Variants in RSBN1 observed in about 807,000 individuals in gnomAD.
RSBN1 encodes the protein lysine-specific demethylase 9.
RSBN1 carries 23 observed loss-of-function variants against 74.8 expected under a neutral mutation model. The observed-to-expected ratio is 0.31, with a 90% CI of 0.22 to 0.44. The LOEUF is 0.44. Ranked by LOEUF, RSBN1 falls within the 20% of genes least tolerant of loss-of-function variation. RSBN1 has a pLI of 1.00. For synonymous variants in RSBN1, 407 were observed against 379.6 expected, an observed-to-expected ratio of 1.07 and a Z score of -0.84; for missense variants, 808 against 1,020.9, an observed-to-expected ratio of 0.79 and a Z score of 2.84.
intron 2 of RSBN1, among the ~76,000 whole-genome samples, chr1:113,797,010 G>A (rs566629899): frequency 6.6e-6 from 1 of 152,280 alleles, no homozygotes; most frequent in South Asian, 2.1e-4. Context: ...GTTTTATTAT[G>A]ATATAAAAGC....
chr1:113,790,569 T>A lies in RSBN1; in HGVS notation c.1377+6794A>T, dbSNP rs115720592. Among the ~76,000 whole-genome samples the A allele has an allele frequency of 2.3e-3, 349 of 152,230 alleles. 4 individuals are homozygous for A. The highest frequency in any genetic ancestry group is 8.0e-3 in the African/African-American group (332 of 41,548). On this transcript the variant is annotated intron_variant, in intron 2 of 6. Coordinates refer to ENST00000261441, the MANE Select transcript of RSBN1 (RefSeq NM_018364.5). ...AAACAAGCTAAACAAAGAAAAGAAG[T>A]AGGCTTCCCAGGCAATGTTGACAAC...
chr1:113,792,033 G>A (rs963321638), intron 2 of RSBN1, among the ~76,000 whole-genome samples: 5 of 151,930 alleles, frequency 3.3e-5, no homozygotes, highest in South Asian at 2.1e-4. Context: ...AATTATACAC[G>A]CCAATGCTAC....
rs754350416 is a variant in RSBN1 at position 113,766,004 on chromosome 1, T to C, written c.2385A>G (p.Gln795=). ...ATCACACAGAAGTGGTTGAATGTTC[T>C]TGCAGATTGTGTTGCTGGTCAGAGT... ...RLDSDQQHNL[Q]EHSTTSV The change falls in exon 7 of 7, where the codon CAA becomes CAG. Residue 795 remains glutamine (Q), a synonymous_variant. Coordinates refer to ENST00000261441, the MANE Select transcript of RSBN1 (RefSeq NM_018364.5). 1.9e-6 allele frequency: 3 copies of C among 1,613,162 alleles called. No individual in the cohort carries two copies. Among genetic ancestry groups the C allele is most frequent in the East Asian group, 4.5e-5 (2 of 44,856 alleles).
intron 1 of RSBN1, among the ~76,000 whole-genome samples, chr1:113,800,937 A>G (rs1660571767): frequency 6.6e-6 from 1 of 152,084 alleles, no homozygotes; most frequent in Admixed American, 6.6e-5. Flanking sequence ...AAAATTTTAA[A>G]TATGAAGTAA....
chr1:113,768,903 G>T (rs1659834412), intron 4 of RSBN1, among the ~76,000 whole-genome samples: 1 of 150,814 alleles, frequency 6.6e-6, no homozygotes, highest in African/African-American at 2.4e-5. Context: ...CTTGGAAGTG[G>T]GAAAACCTTT....
At chr1:113,788,312 A>T (rs1660299790) in intron 2 of RSBN1, among the ~76,000 whole-genome samples, 1 of 152,152 alleles carries the variant, frequency 6.6e-6, no homozygotes. Context: ...GTAATACAAG[A>T]AAAAACTCCA....
intron 2 of RSBN1, among the ~76,000 whole-genome samples, chr1:113,784,899 C>A (rs2101805299): frequency 6.6e-6 from 1 of 152,288 alleles, no homozygotes; most frequent in Middle Eastern, 3.4e-3. Flanking sequence ...CACTGCTGTA[C>A]ACTACTGTAG....
chr1:113,768,161 T>C, intron 5 of RSBN1, 61 bp downstream of exon 5: 1 of 1,379,230 alleles, frequency 7.3e-7, no homozygotes, highest in Non-Finnish European at 9.7e-7. Flanking sequence ...ACCTTTTAAA[T>C]AGAGTCCACA....
chr1:113,785,934 A>T (rs939382646), intron 2 of RSBN1, among the ~76,000 whole-genome samples: 1 of 152,226 alleles, frequency 6.6e-6, no homozygotes, highest in Non-Finnish European at 1.5e-5. Flanking sequence ...CCACTAAAGG[A>T]TCTGAAAAGA....
At position 113,797,856 on chromosome 1, in the gene RSBN1, T is replaced by G; in HGVS notation, c.884A>C (p.Gln295Pro). ...LTRISKEILT[Q>P]GQINSTSGLN... Reference sequence around the variant, plus strand: ...TCCTGAAGTGCTATTTATTTGTCCTTGGGTGAGAATTTCTTTACTGATGCG... The same window carrying G: ...TCCTGAAGTGCTATTTATTTGTCCTGGGGTGAGAATTTCTTTACTGATGCG... The change falls in exon 2 of 7, where the codon CAA (glutamine) becomes CCA (proline). Residue 295 changes from glutamine to proline, a missense_variant. Gln to Pro is a moderately conservative substitution (Grantham distance 76, BLOSUM62 -1). This residue lies in a region of RSBN1 where 85 missense variants were observed against 126.2 expected (regional missense o/e 0.67). Coordinates refer to ENST00000261441, the MANE Select transcript of RSBN1 (RefSeq NM_018364.5). 6.2e-7 allele frequency: 1 copy of G among 1,614,064 alleles called. No homozygotes were observed. Among genetic ancestry groups the G allele is most frequent in the Non-Finnish European group, 8.5e-7 (1 of 1,179,972 alleles).
At chr1:113,804,464 A>T (rs1289983538) in intron 1 of RSBN1, among the ~76,000 whole-genome samples, 1 of 152,194 alleles carries the variant, frequency 6.6e-6, no homozygotes, top group Non-Finnish European at 1.5e-5. Context: ...ACTCCAAAAC[A>T]AATTCTTCTA....
At chr1:113,779,919 G>T (rs1321938248) in intron 2 of RSBN1, among the ~76,000 whole-genome samples, 2 of 152,048 alleles carry the variant, frequency 1.3e-5, no homozygotes, top group Non-Finnish European at 2.9e-5. Flanking sequence ...TACTCGGGAG[G>T]CTGAGGCAGA....
At chr1:113,777,102 ATTTACTT>A in intron 4 of RSBN1, 101 bp downstream of exon 4, 1 of 977,686 alleles carries the variant, frequency 1.0e-6, no homozygotes, top group Non-Finnish European at 1.5e-6. Flanking sequence ...CAACTAAAAC[ATTTACTT>A]AAGGGAGCCC....
At chr1:113,792,560 C>T (rs1266972666) in intron 2 of RSBN1, among the ~76,000 whole-genome samples, 1 of 152,110 alleles carries the variant, frequency 6.6e-6, no homozygotes, top group East Asian at 1.9e-4. Flanking sequence ...TTAAATTAGC[C>T]AATTGTAATA....
At chr1:113,776,453 T>C (rs1416458795) in intron 4 of RSBN1, among the ~76,000 whole-genome samples, 2 of 152,202 alleles carry the variant, frequency 1.3e-5, no homozygotes, top group African/African-American at 4.8e-5. Context: ...CTGATCCTCC[T>C]ACTTCAGCCT....
At chr1:113,796,510 T>C (rs756578155) in intron 2 of RSBN1, among the ~76,000 whole-genome samples, 1 of 152,110 alleles carries the variant, frequency 6.6e-6, no homozygotes, top group African/African-American at 2.4e-5. Context: ...AAAAAATATA[T>C]ATATATTAAG....
intron 2 of RSBN1, among the ~76,000 whole-genome samples, chr1:113,790,185 G>C (rs1195425809): frequency 6.6e-6 from 1 of 152,088 alleles, no homozygotes; most frequent in Non-Finnish European, 1.5e-5. Flanking sequence ...GAAGGGAAAG[G>C]TTGGAGGGGT....
rs928456062 is a variant in RSBN1 at position 113,811,928 on chromosome 1, A to T, written c.485T>A (p.Leu162His). ...GAGGGCCGAGGTGCTTGGGGCCGGG[A>T]GAGGGGCAGCGACAGCGGGCCCGGC... ...APAGPAVAAP[L>H]PAPSTSALFT... The change falls in exon 1 of 7, where the codon CTC becomes CAC. Residue 162 changes from leucine to histidine, a missense_variant. By Grantham distance (99) the Leu-to-His change is moderately conservative (BLOSUM62 -3). This residue lies in a region of RSBN1 where 464 missense variants were observed against 401.0 expected (regional missense o/e 1.16). Transcript: ENST00000261441. The T allele has an allele frequency of 6.2e-7, 1 of 1,602,480 alleles. No individual in the cohort carries two copies. The highest frequency in any genetic ancestry group is 8.5e-7 in the Non-Finnish European group (1 of 1,174,300).
intron 2 of RSBN1, 138 bp from the exon 3 acceptor site, chr1:113,777,946 T>G (rs2101799144): frequency 1.4e-6 from 1 of 718,782 alleles, no homozygotes; most frequent in East Asian, 3.0e-5. Context: ...TTGAATAAAG[T>G]CAGAGAGGCA....
Sources: gnomAD v4.1 joint callset for allele counts (sites outside exome capture counted in the v4.1 genomes callset) on GRCh38, gnomAD v4.1.1 for gene constraint, gnomAD v4.1.1 regional missense constraint, MANE v1.5 for transcripts, NCBI Gene and HGNC (gene_info 2026-07-23, HGNC 2026-07-21) for gene names.